NAV3: variants seen among roughly 807,000 people sequenced by gnomAD.
NAV3 encodes neuron navigator 3, also known as pore membrane and/or filament interacting like protein 1.
Under a neutral mutation model 244.7 loss-of-function variants are expected in NAV3, and 87 were observed. The observed-to-expected ratio is 0.36, with a 90% CI of 0.30 to 0.42. The LOEUF (loss-of-function observed/expected upper bound fraction) is 0.42, where lower values mean the gene tolerates loss of function less well. NAV3 is among the 20% of genes least tolerant of loss of function. The pLI is 1.00. For synonymous variants in NAV3, 1,126 were observed against 1,042.2 expected, an observed-to-expected ratio of 1.08 and a Z score of -1.55; for missense variants, 2,663 against 2,893.3, an observed-to-expected ratio of 0.92 and a Z score of 1.83.
At chr12:77,926,825 G>A (rs754546049) in intron 1 of NAV3, among the ~76,000 whole-genome samples, 33 of 152,238 alleles carry the variant, frequency 2.2e-4, no homozygotes, top group Non-Finnish European at 3.2e-4. Flanking sequence ...TACGGTCTAC[G>A]CTAAACCAAT....
chr12:77,979,437 A>G (rs1869129394), intron 5 of NAV3, among the ~76,000 whole-genome samples: 1 of 151,940 alleles, frequency 6.6e-6, no homozygotes, highest in African/African-American at 2.4e-5. Flanking sequence ...AGCTATAATG[A>G]TTATGTCAGA....
intron 2 of NAV3, among the ~76,000 whole-genome samples, chr12:77,812,393 T>C (rs1168555528): frequency 6.6e-6 from 1 of 152,132 alleles, no homozygotes; most frequent in Non-Finnish European, 1.5e-5. Flanking sequence ...ACTGAGGAAT[T>C]TCATTTCTTT....
intron 2 of NAV3, among the ~76,000 whole-genome samples, chr12:77,709,577 A>C (rs935733562): frequency 2.0e-5 from 3 of 152,240 alleles, no homozygotes; most frequent in Non-Finnish European, 4.4e-5. Context: ...AGTGTTTTAA[A>C]TTATAAAATT....
chr12:77,627,036 A>G (rs1270348522), intron 2 of NAV3, among the ~76,000 whole-genome samples: 2 of 152,188 alleles, frequency 1.3e-5, no homozygotes, highest in Non-Finnish European at 2.9e-5. Flanking sequence ...CTCACCTATC[A>G]GTAACATCCT....
chr12:78,081,315 G>T (rs976665445), intron 12 of NAV3, among the ~76,000 whole-genome samples: 3 of 152,162 alleles, frequency 2.0e-5, no homozygotes, highest in Admixed American at 1.3e-4. Context: ...TTCTCCATGT[G>T]CAGGTACAAC....
chr12:78,166,390 GA>G (rs978918281), intron 23 of NAV3, among the ~76,000 whole-genome samples: 2 of 151,412 alleles, frequency 1.3e-5, no homozygotes, highest in Non-Finnish European at 3.0e-5. Context: ...AGTTTGAACA[GA>G]TTATGTCAAT....
At chr12:78,002,501 A>T (rs1256609634) in intron 7 of NAV3, among the ~76,000 whole-genome samples, 3 of 152,218 alleles carry the variant, frequency 2.0e-5, no homozygotes, top group Admixed American at 6.5e-5. Flanking sequence ...ATTCAACATT[A>T]TACAGGTATC....
At chr12:77,723,031 CA>C (rs1239025853) in intron 2 of NAV3, among the ~76,000 whole-genome samples, 1 of 151,906 alleles carries the variant, frequency 6.6e-6, no homozygotes, top group Non-Finnish European at 1.5e-5. Context: ...GTAATTTTTG[CA>C]AGTTTTTTTT....
intron 2 of NAV3, among the ~76,000 whole-genome samples, chr12:77,600,640 A>C (rs993992389): frequency 1.3e-5 from 2 of 151,982 alleles, no homozygotes; most frequent in African/African-American, 4.8e-5. Flanking sequence ...TCAGGGAATG[A>C]GTGTGTCTCG....
chr12:77,714,260 T>C (rs138051035), intron 2 of NAV3, among the ~76,000 whole-genome samples: 1,774 of 152,236 alleles, frequency 0.012, 15 homozygotes, highest in Non-Finnish European at 0.019. Flanking sequence ...AATAGCTGCA[T>C]GAATGGGTAA....
chr12:77,850,018 C>T lies in NAV3; in HGVS notation c.243+18314C>T, dbSNP rs551107492. ...AAAAGTGGCTATAAAATTCTACGCC[C>T]GTGTCCTAAGCGTCCCATTTATTGA... On this transcript the variant is annotated intron_variant, in intron 1 of 39. Transcript: ENST00000397909. Among the ~76,000 whole-genome samples, 10 of 152,252 alleles carry T rather than the reference C, an allele frequency of 6.6e-5. No homozygotes were observed. The South Asian group carries it at 1.5e-3, about 22-fold the overall frequency.
chr12:77,766,428 C>G (rs1375906237), intron 2 of NAV3, among the ~76,000 whole-genome samples: 8 of 152,208 alleles, frequency 5.3e-5, no homozygotes, highest in African/African-American at 1.9e-4. Context: ...CACACTTTCT[C>G]TAGTGGCTGG....
chr12:77,984,257 G>A (rs1442573810), intron 5 of NAV3, among the ~76,000 whole-genome samples: 1 of 152,196 alleles, frequency 6.6e-6, no homozygotes, highest in Non-Finnish European at 1.5e-5. Flanking sequence ...ATTTTAAACT[G>A]AGAGACCAAG....
intron 12 of NAV3, among the ~76,000 whole-genome samples, chr12:78,110,288 TAAAC>T (rs1955021742): frequency 6.6e-6 from 1 of 151,904 alleles, no homozygotes; most frequent in African/African-American, 2.4e-5. Context: ...AATTAAGGAT[TAAAC>T]AAACAAATTG....
At chr12:77,709,987 A>G (rs1876028704) in intron 2 of NAV3, among the ~76,000 whole-genome samples, 2 of 152,170 alleles carry the variant, frequency 1.3e-5, no homozygotes, top group African/African-American at 2.4e-5. Context: ...ACTCTTCTAA[A>G]GTGGGTCTAA....
chr12:78,196,355 G>T (rs1034011114), intron 34 of NAV3, among the ~76,000 whole-genome samples: 7 of 152,000 alleles, frequency 4.6e-5, no homozygotes, highest in Non-Finnish European at 8.8e-5. Flanking sequence ...GTTACAGACA[G>T]AGAGAGGTTG....
At chr12:78,060,911 AC>A (rs1884234458) in intron 12 of NAV3, among the ~76,000 whole-genome samples, 1 of 152,192 alleles carries the variant, frequency 6.6e-6, no homozygotes, top group South Asian at 2.1e-4. Flanking sequence ...ACACAAGGTG[AC>A]TTTGGTTTGG....
Position 77,716,547 on chromosome 12 carries a change from C to T in NAV3, c.72+144281C>T, listed in dbSNP as rs570550988. 2.6e-5 allele frequency among the ~76,000 whole-genome samples: 4 copies of T among 151,342 alleles called. No individual in the cohort carries two copies. In the South Asian group the frequency reaches 8.4e-4, roughly 32 times the overall value. ...TAAACATATTTTTATATTTTTAATC[C>T]TTATATAACTCCTTGACTTTATATA... On this transcript the variant is annotated intron_variant, in intron 2 of 8. Coordinates refer to the NAV3 transcript ENST00000550042.
chr12:77,622,719 G>A (rs995585938), intron 2 of NAV3, among the ~76,000 whole-genome samples: 26 of 152,106 alleles, frequency 1.7e-4, no homozygotes, highest in African/African-American at 6.0e-4. Flanking sequence ...GTGAACCACT[G>A]TGACCTCTGA....
Sources: allele counts gnomAD v4.1 joint callset (sites outside exome capture counted in the v4.1 genomes callset), GRCh38; gene constraint gnomAD v4.1.1; transcripts MANE v1.5; gene names NCBI Gene and HGNC (gene_info 2026-07-23, HGNC 2026-07-21).